CFAP54: variants seen among roughly 807,000 people sequenced by gnomAD.
The protein encoded by CFAP54 is cilia- and flagella-associated protein 54.
In CFAP54, 290 loss-of-function variants were observed where a neutral mutation model predicts 370.4. The ratio of observed to expected loss-of-function variants is 0.78; its 90% CI spans 0.71 to 0.86. The LOEUF (loss-of-function observed/expected upper bound fraction) is 0.86. Among genes scored for constraint, CFAP54 ranks in the 40% least tolerant of loss-of-function variants. The probability of loss-of-function intolerance (pLI) is 0.00; values close to 1 mark genes in which losing one functional copy is unlikely to be tolerated. For synonymous variants in CFAP54, 1,206 were observed against 1,236.5 expected, an observed-to-expected ratio of 0.98 and a Z score of 0.52; for missense variants, 3,399 against 3,528.7, an observed-to-expected ratio of 0.96 and a Z score of 0.93.
At position 96,564,457 on chromosome 12, in the gene CFAP54, T is replaced by A. The variant is rs773701857; in HGVS notation, c.2411-11T>A. ...ATACTTAATTGTTATGACAGTCGTC[T>A]TCTTCTTCAGTTTTGCAGACTCCAA... is the stretch of plus-strand genomic sequence containing the variant. On this transcript the variant is annotated splice_polypyrimidine_tract_variant and intron_variant, in intron 17 of 67. Transcript: ENST00000524981. 3 of 688,926 alleles carry A rather than the reference T, an allele frequency of 4.4e-6. No individual in the cohort carries two copies. In the African/African-American group the frequency reaches 5.3e-5, roughly 12 times the overall value. The allele number at this position is 688,926 out of a possible 1,614,324, so 42.7% of individuals were successfully genotyped here. A position where few individuals can be genotyped will look rare whatever the true frequency, so the allele number is the denominator to read the frequency against.
In CFAP54 at chr12:96,609,120, A is replaced by G. The variant is rs12318825; in HGVS notation, c.3639+10353A>G. Among the ~76,000 whole-genome samples, 416 of 152,326 alleles carry G rather than the reference A, an allele frequency of 2.7e-3. 1 individual carries two copies. The highest frequency in any genetic ancestry group is 9.4e-3 in the African/African-American group (392 of 41,572). ...AAACAAAGGAGGAGAGGCAATTTTC[A>G]TATCAGAAAAAGCAGAGTTCAGGGC... On this transcript the variant is annotated intron_variant, in intron 26 of 67. Transcript: ENST00000524981.
intron 19 of CFAP54, among the ~76,000 whole-genome samples, chr12:96,570,372 G>A (rs891438555): frequency 1.4e-5 from 2 of 147,796 alleles, no homozygotes; most frequent in Non-Finnish European, 3.0e-5. Context: ...CTCCTCTTAT[G>A]AGGCCATGTT....
intron 60 of CFAP54, among the ~76,000 whole-genome samples, chr12:96,773,515 AT>A (rs1958483966): frequency 6.6e-6 from 1 of 152,368 alleles, no homozygotes; most frequent in Non-Finnish European, 1.5e-5. Context: ...AGAAAAGCAT[AT>A]TTGGAGTTTA....
intron 26 of CFAP54, among the ~76,000 whole-genome samples, chr12:96,610,410 G>C (rs552595561): frequency 7.9e-5 from 12 of 151,562 alleles, no homozygotes; most frequent in African/African-American, 2.7e-4. Flanking sequence ...AGGGAGTTAT[G>C]GGGGGGTGGG....
In CFAP54 at chr12:96,533,643, C is replaced by T. The variant is rs148597468; in HGVS notation, c.1358-149C>T. The T allele has an allele frequency of 9.7e-6, 6 of 621,414 alleles. No individual in the cohort carries two copies. The African/African-American group carries it at 1.1e-4, about 12-fold the overall frequency. The allele number at this position is 621,414 out of a possible 1,614,324, so 38.5% of individuals were successfully genotyped here. ...CCTAAAGCACCACCCTGTATTTGCCCACTAAGATTTCTTGTTTCCCCCACT... is the reference window on the plus strand; with the variant it reads ...CCTAAAGCACCACCCTGTATTTGCCTACTAAGATTTCTTGTTTCCCCCACT... On this transcript the variant is annotated intron_variant, in intron 9 of 67. Transcript: ENST00000524981.
chr12:96,558,824 A>G (rs1307205907), intron 17 of CFAP54, among the ~76,000 whole-genome samples: 1 of 152,140 alleles, frequency 6.6e-6, no homozygotes, highest in Non-Finnish European at 1.5e-5. Flanking sequence ...CTGGGCAAAA[A>G]TTTCTTGAGC....
intron 15 of CFAP54, among the ~76,000 whole-genome samples, chr12:96,549,782 C>G (rs977047774): frequency 6.6e-6 from 1 of 152,128 alleles, no homozygotes; most frequent in African/African-American, 2.4e-5. Flanking sequence ...ATGATAGCTG[C>G]TGTTTTTCTC....
At position 96,817,984 on chromosome 12, in the gene CFAP54, A is replaced by C. The variant is rs1210253012; in HGVS notation, c.9096+71A>C. ...TTATATCCTCAAAGCAGAACTATGTAACTGGACTTAAACTCTGTAATTCTT... is the reference window on the plus strand; with the variant it reads ...TTATATCCTCAAAGCAGAACTATGTCACTGGACTTAAACTCTGTAATTCTT... On this transcript the variant is annotated intron_variant, in intron 65 of 67. Coordinates refer to ENST00000524981, the MANE Select transcript of CFAP54 (RefSeq NM_001306084.2). 2.7e-6 allele frequency: 3 copies of C among 1,109,362 alleles called. No individual in the cohort carries two copies. The East Asian group carries it at 8.4e-5, about 31-fold the overall frequency. The allele number at this position is 1,109,362 out of a possible 1,614,324, so 68.7% of individuals were successfully genotyped here. A position where few individuals can be genotyped will look rare whatever the true frequency, so the allele number is the denominator to read the frequency against.
chr12:96,709,637 A>G (rs552463097), intron 48 of CFAP54, among the ~76,000 whole-genome samples: 3 of 151,876 alleles, frequency 2.0e-5, no homozygotes, highest in East Asian at 1.9e-4. Flanking sequence ...GGTATGTTAC[A>G]TTAACTGATT....
chr12:96,754,681 T>G (rs906887253), intron 56 of CFAP54, among the ~76,000 whole-genome samples: 1 of 152,072 alleles, frequency 6.6e-6, no homozygotes, highest in African/African-American at 2.4e-5. Context: ...GTGAATCCTT[T>G]CTATAGTGAT....
Position 96,592,472 on chromosome 12 carries a change from A to G in CFAP54, c.3213-18A>G. The G allele has an allele frequency of 4.0e-6, 2 of 501,702 alleles. No homozygotes were observed. Among genetic ancestry groups the G allele is most frequent in the Admixed American group, 3.9e-5 (1 of 25,378 alleles). The allele number at this position is 501,702 out of a possible 1,614,324, so 31.1% of individuals were successfully genotyped here. ...AAATCAATTTATATTTATACCTGCCATTTACTTCATATTGCAGATTACATT... is the reference window on the plus strand; with the variant it reads ...AAATCAATTTATATTTATACCTGCCGTTTACTTCATATTGCAGATTACATT... On this transcript the variant is annotated intron_variant, in intron 23 of 67. Coordinates refer to ENST00000524981, the MANE Select transcript of CFAP54 (RefSeq NM_001306084.2).
At chr12:96,490,395 T>C (rs1954867508) in intron 1 of CFAP54, among the ~76,000 whole-genome samples, 1 of 152,230 alleles carries the variant, frequency 6.6e-6, no homozygotes, top group South Asian at 2.1e-4. Flanking sequence ...ATGACATACT[T>C]CATTGTATCA....
intron 9 of CFAP54, among the ~76,000 whole-genome samples, chr12:96,533,493 T>C (rs183930722): frequency 1.3e-5 from 2 of 152,318 alleles, no homozygotes; most frequent in East Asian, 3.9e-4. Flanking sequence ...CTTTCCCAAG[T>C]TTCCAACCTG....
intron 32 of CFAP54, among the ~76,000 whole-genome samples, chr12:96,634,200 C>A (rs1956640239): frequency 6.6e-6 from 1 of 151,552 alleles, no homozygotes; most frequent in Admixed American, 6.6e-5. Context: ...GGATTACAGG[C>A]ATGCACCACC....
chr12:96,547,854 C>T, intron 14 of CFAP54, 48 bp from the exon 15 acceptor site: 2 of 959,250 alleles, frequency 2.1e-6, no homozygotes, highest in Non-Finnish European at 3.0e-6. Context: ...CTCCTCTTCT[C>T]CCTTCCCCTC....
At chr12:96,850,670 A>C (rs139500046) in intron 66 of CFAP54, among the ~76,000 whole-genome samples, 2,223 of 152,046 alleles carry the variant, frequency 0.015, 29 homozygotes, top group South Asian at 0.072. Flanking sequence ...TAAAGATACT[A>C]TCTGAAACTG....
chr12:96,683,921 A>T (rs1957297174), intron 40 of CFAP54, among the ~76,000 whole-genome samples: 1 of 152,108 alleles, frequency 6.6e-6, no homozygotes, highest in Admixed American at 6.5e-5. Flanking sequence ...CCTACCAAGT[A>T]GCTGGGATTA....
chr12:96,829,811 A>C (rs962844257), intron 66 of CFAP54, among the ~76,000 whole-genome samples: 3 of 152,086 alleles, frequency 2.0e-5, no homozygotes, highest in Non-Finnish European at 4.4e-5. Context: ...GCTGTCTATC[A>C]CTGTCCAGAA....
chr12:96,709,224 A>G lies in CFAP54; in HGVS notation c.6724+421A>G, dbSNP rs75578451. On this transcript the variant is annotated intron_variant, in intron 48 of 67. Coordinates refer to ENST00000524981, the MANE Select transcript of CFAP54 (RefSeq NM_001306084.2). ...TCCCCCATGAATGTTCCTTGGCAAC[A>G]AAGTGCATGTGCACCAATAGAGGAA... is the stretch of plus-strand genomic sequence containing the variant. 4.7e-3 allele frequency among the ~76,000 whole-genome samples: 723 copies of G among 152,358 alleles called. 4 individuals carry two copies. The highest frequency in any genetic ancestry group is 0.017 in the African/African-American group (687 of 41,584).
Sources: allele counts gnomAD v4.1 joint callset (sites outside exome capture counted in the v4.1 genomes callset), GRCh38; gene constraint gnomAD v4.1.1; transcripts MANE v1.5; gene names NCBI Gene and HGNC (gene_info 2026-07-23, HGNC 2026-07-21).